Variants in FDX1 observed in about 807,000 individuals in gnomAD.
FDX1 encodes the protein adrenodoxin, mitochondrial.
FDX1 carries 9 observed loss-of-function variants against 14.9 expected under a neutral mutation model. The observed-to-expected ratio is 0.60, with a 90% confidence interval of 0.36 to 1.05. The LOEUF is 1.05. FDX1 is among the 50% of genes least tolerant of loss of function. The probability of loss-of-function intolerance (pLI) is 0.01; values close to 1 mark genes in which losing one functional copy is unlikely to be tolerated. For missense variants in FDX1, 204 were observed against 237.2 expected (o/e 0.86, Z 0.92); for synonymous variants, 92 against 99.4 (o/e 0.93, Z 0.44).
intron 2 of FDX1, among the ~76,000 whole-genome samples, chr11:110,456,404 T>G (rs1028928678): frequency 5.3e-5 from 8 of 152,200 alleles, no homozygotes; most frequent in African/African-American, 1.9e-4. Flanking sequence ...TAATATAACG[T>G]GAGGGATTTC....
At chr11:110,437,534 T>A (rs184793853) in intron 2 of FDX1, among the ~76,000 whole-genome samples, 20 of 152,308 alleles carry the variant, frequency 1.3e-4, no homozygotes, top group African/African-American at 4.8e-4. Flanking sequence ...TCATTGTGGT[T>A]TTGATTTGTA....
chr11:110,439,460 G>C (rs1052098024), intron 2 of FDX1, among the ~76,000 whole-genome samples: 2 of 152,154 alleles, frequency 1.3e-5, no homozygotes, highest in African/African-American at 4.8e-5. Flanking sequence ...GCCCGATTTG[G>C]CCTCCCAAAG....
Position 110,444,665 on chromosome 11 carries a change from C to CGT in FDX1, c.310+8708_310+8709dup, listed in dbSNP as rs1491152391. On this transcript the variant is annotated intron_variant, in intron 2 of 3. Transcript: ENST00000260270. ...GTGTGTGTGTGTATATATATATATA[C>CGT]GTATATATATATATATATACACGTA... 2.4e-3 allele frequency among the ~76,000 whole-genome samples: 119 copies of CGT among 48,874 alleles called. 5 individuals carry two copies. Among genetic ancestry groups the CGT allele is most frequent in the African/African-American group, 7.2e-3 (49 of 6,800 alleles). 32.1% of individuals were successfully genotyped at this position (48,874 alleles called of 152,430 possible). A position where few individuals can be genotyped will look rare whatever the true frequency, so the allele number is the denominator to read the frequency against.
intron 1 of FDX1, among the ~76,000 whole-genome samples, chr11:110,434,153 A>T (rs1946350594): frequency 6.6e-6 from 1 of 152,152 alleles, no homozygotes; most frequent in African/African-American, 2.4e-5. Context: ...ATACTATCTT[A>T]AAAAAACATG....
intron 1 of FDX1, among the ~76,000 whole-genome samples, chr11:110,431,627 A>G (rs1351707400): frequency 6.6e-6 from 1 of 152,182 alleles, no homozygotes; most frequent in Non-Finnish European, 1.5e-5. Context: ...TCTGTTATAC[A>G]ATGGATGAGT....
At chr11:110,444,724 GTATATATATATATATATATACACGTATA>G (rs1946436272) in intron 2 of FDX1, among the ~76,000 whole-genome samples, 3 of 27,406 alleles carry the variant, frequency 1.1e-4, no homozygotes, top group South Asian at 2.1e-3. Flanking sequence ...ATATATATAC[GTATATATATATATATATATACACGTATA>G]TATATATATA....
intron 2 of FDX1, among the ~76,000 whole-genome samples, chr11:110,454,159 G>A (rs922355108): frequency 6.6e-6 from 1 of 152,156 alleles, no homozygotes; most frequent in African/African-American, 2.4e-5. Context: ...TATTAGAATA[G>A]TCTCTTCAGC....
chr11:110,429,893 G>T, upstream of FDX1: 1 of 330,810 alleles, frequency 3.0e-6, no homozygotes. Flanking sequence ...GGGCGTGAGA[G>T]GCGGGGCGGG....
intron 1 of FDX1, among the ~76,000 whole-genome samples, chr11:110,434,392 A>C (rs1463140658): frequency 7.2e-6 from 1 of 139,492 alleles, no homozygotes. Flanking sequence ...GCTGGAGTGC[A>C]GTGGTTTGAT....
At chr11:110,450,975 C>T (rs1298773747) in intron 2 of FDX1, among the ~76,000 whole-genome samples, 2 of 152,136 alleles carry the variant, frequency 1.3e-5, no homozygotes, top group African/African-American at 2.4e-5. Context: ...CTCATTCCTT[C>T]ATATACATCA....
At chr11:110,447,289 A>T (rs3951273) in intron 2 of FDX1, among the ~76,000 whole-genome samples, 1 of 76,990 alleles carries the variant, frequency 1.3e-5, no homozygotes, top group Non-Finnish European at 2.7e-5. Context: ...AAAAAAAAAA[A>T]AAAAAAAAAA....
At chr11:110,435,042 C>T (rs762658001) in intron 1 of FDX1, among the ~76,000 whole-genome samples, 2 of 151,786 alleles carry the variant, frequency 1.3e-5, no homozygotes, top group Non-Finnish European at 2.9e-5. Context: ...GTATGAGCCA[C>T]CACACTTGGC....
intron 2 of FDX1, among the ~76,000 whole-genome samples, chr11:110,449,578 A>C (rs1239120290): frequency 6.6e-6 from 1 of 152,198 alleles, no homozygotes; most frequent in African/African-American, 2.4e-5. Flanking sequence ...TACACAATAC[A>C]TTATTATTAA....
At chr11:110,439,834 A>G (rs751541116) in intron 2 of FDX1, among the ~76,000 whole-genome samples, 2 of 152,106 alleles carry the variant, frequency 1.3e-5, no homozygotes, top group Non-Finnish European at 2.9e-5. Flanking sequence ...TCTTTAATCT[A>G]TTTTGAGTTA....
At chr11:110,443,873 A>G (rs1946421145) in intron 2 of FDX1, among the ~76,000 whole-genome samples, 1 of 150,762 alleles carries the variant, frequency 6.6e-6, no homozygotes, top group Admixed American at 6.6e-5. Context: ...GCTTTTTTTG[A>G]GAAGTGTCTG....
chr11:110,443,808 C>T (rs1461046265), intron 2 of FDX1, among the ~76,000 whole-genome samples: 1 of 151,818 alleles, frequency 6.6e-6, no homozygotes, highest in Non-Finnish European at 1.5e-5. Context: ...ATTTGCATTT[C>T]TCTGATGATT....
chr11:110,446,117 T>A (rs750315663), intron 2 of FDX1, among the ~76,000 whole-genome samples: 17 of 152,270 alleles, frequency 1.1e-4, no homozygotes, highest in Non-Finnish European at 2.1e-4. Context: ...AAGATAAGCT[T>A]GAGATAAGTA....
chr11:110,436,065 A>G (rs1591246824), intron 2 of FDX1, 107 bp downstream of exon 2: 1 of 909,810 alleles, frequency 1.1e-6, no homozygotes, highest in East Asian at 2.4e-5. Context: ...CATGCTATGT[A>G]AAATATTAAC....
At position 110,462,683 on chromosome 11, in the gene FDX1, A is replaced by C. The variant is rs138210722; in HGVS notation, c.*215A>C. On this transcript the variant is annotated 3_prime_UTR_variant, in exon 4 of 4. Transcript: ENST00000260270. ...ACAAAAATGTCAATCAAATATTAAA[A>C]AATAGTTAATGTGATAGAAAAACCT... is the stretch of plus-strand genomic sequence containing the variant. 17 of 345,632 alleles carry C rather than the reference A, an allele frequency of 4.9e-5. No individual in the cohort carries two copies. Among genetic ancestry groups the C allele is most frequent in the African/African-American group, 3.3e-4 (16 of 48,204 alleles). The allele number at this position is 345,632 out of a possible 1,614,324, so 21.4% of individuals were successfully genotyped here.
Sources: allele counts gnomAD v4.1 joint callset (sites outside exome capture counted in the v4.1 genomes callset), GRCh38; gene constraint gnomAD v4.1.1; transcripts MANE v1.5; gene names NCBI Gene and HGNC (gene_info 2026-07-23, HGNC 2026-07-21).